NRG3: variants seen among roughly 807,000 people sequenced by gnomAD.
The protein encoded by NRG3 is neuregulin 3.
NRG3 carries 31 observed loss-of-function variants against 66.9 expected under a neutral mutation model. The ratio of observed to expected loss-of-function variants is 0.46; its 90% CI spans 0.35 to 0.63. NRG3 has a LOEUF of 0.63. Ranked by LOEUF, NRG3 falls within the 20% of genes least tolerant of loss-of-function variation. The pLI is 0.00. For synonymous variants in NRG3, 393 were observed against 359.4 expected (o/e 1.09, Z -1.06); for missense variants, 910 against 878.9 (o/e 1.04, Z -0.45).
chr10:82,835,285 C>A (rs955337262), intron 3 of NRG3, among the ~76,000 whole-genome samples: 22 of 152,128 alleles, frequency 1.4e-4, no homozygotes, highest in Non-Finnish European at 2.9e-4. Flanking sequence ...CAGCTGGAGA[C>A]AGGAAATTTC....
At chr10:82,000,989 C>T (rs2061141997) in intron 1 of NRG3, among the ~76,000 whole-genome samples, 1 of 151,960 alleles carries the variant, frequency 6.6e-6, no homozygotes, top group African/African-American at 2.4e-5. Context: ...TATGGAAATT[C>T]CAAACTAAAA....
intron 2 of NRG3, among the ~76,000 whole-genome samples, chr10:82,649,114 T>A (rs2051200159): frequency 6.6e-6 from 1 of 152,158 alleles, no homozygotes; most frequent in Non-Finnish European, 1.5e-5. Context: ...GTGTTGGAAG[T>A]TCTGGCCAGG....
chr10:82,820,553 A>G (rs2061906871), intron 3 of NRG3, among the ~76,000 whole-genome samples: 1 of 152,208 alleles, frequency 6.6e-6, no homozygotes, highest in South Asian at 2.1e-4. Flanking sequence ...ACAGCTAGAT[A>G]AGCAGATAAA....
intron 1 of NRG3, among the ~76,000 whole-genome samples, chr10:82,000,141 C>A (rs972630283): frequency 3.3e-5 from 5 of 152,142 alleles, no homozygotes; most frequent in African/African-American, 9.7e-5. Flanking sequence ...ACAAATTATT[C>A]ATAATTACCC....
chr10:82,143,252 G>A (rs1177230096), intron 1 of NRG3, among the ~76,000 whole-genome samples: 4 of 152,140 alleles, frequency 2.6e-5, no homozygotes, highest in African/African-American at 4.8e-5. Flanking sequence ...TCAGGAGGCA[G>A]GGGGCGGAGA....
intron 2 of NRG3, among the ~76,000 whole-genome samples, chr10:82,399,205 AC>A (rs1312819349): frequency 1.3e-5 from 2 of 152,170 alleles, no homozygotes; most frequent in Non-Finnish European, 2.9e-5. Context: ...AACATAAAAG[AC>A]CAAAATGACT....
intron 2 of NRG3, among the ~76,000 whole-genome samples, chr10:82,441,716 G>A (rs1287206173): frequency 1.3e-5 from 2 of 152,100 alleles, no homozygotes; most frequent in Non-Finnish European, 1.5e-5. Flanking sequence ...ATTAATAACA[G>A]ATGAAAATAA....
At position 82,147,665 on chromosome 10, in the gene NRG3, G is replaced by A. The variant is rs145594920; in HGVS notation, c.824-211074G>A. ...GCCTCAGTGTGTCCCTTTGTAAAGC[G>A]CCCCAGACCTTTTGAGTAGGGATGA... On this transcript the variant is annotated intron_variant, in intron 1 of 8. Coordinates refer to ENST00000372141, the MANE Select transcript of NRG3 (RefSeq NM_001010848.4). Among the ~76,000 whole-genome samples, 27 of 152,258 alleles carry A rather than the reference G, an allele frequency of 1.8e-4. 1 individual carries two copies. The East Asian group carries it at 5.2e-3, about 29-fold the overall frequency.
Position 82,789,300 on chromosome 10 carries a change from A to C in NRG3, c.1027+50650A>C, listed in dbSNP as rs569032845. The stretch of plus-strand genomic sequence containing the variant: ...ACCATTTTAAAATCTTCTATGGAGC[A>C]ATAGCTATTCAAATAATGTGTCCAT... On this transcript the variant is annotated intron_variant, in intron 3 of 8. Transcript: ENST00000372141. Among the ~76,000 whole-genome samples the C allele has an allele frequency of 2.6e-4, 39 of 152,238 alleles. No homozygotes were observed. In the South Asian group the frequency reaches 8.1e-3, roughly 32 times the overall value.
At chr10:82,354,266 C>T (rs1335148709) in intron 1 of NRG3, among the ~76,000 whole-genome samples, 1 of 151,812 alleles carries the variant, frequency 6.6e-6, no homozygotes, top group African/African-American at 2.4e-5. Flanking sequence ...GTCACAGACT[C>T]CTGGGTTCAA....
At chr10:82,799,255 C>G (rs1051373258) in intron 3 of NRG3, among the ~76,000 whole-genome samples, 1 of 151,972 alleles carries the variant, frequency 6.6e-6, no homozygotes, top group Non-Finnish European at 1.5e-5. Flanking sequence ...AGGCTGGGTG[C>G]GGTGGCTCAC....
intron 1 of NRG3, among the ~76,000 whole-genome samples, chr10:82,213,617 A>G (rs1349981172): frequency 2.6e-5 from 4 of 152,212 alleles, no homozygotes; most frequent in African/African-American, 7.2e-5. Context: ...AGCACTTGCT[A>G]ATCTATAATA....
intron 6 of NRG3, among the ~76,000 whole-genome samples, chr10:82,967,576 T>A: frequency 6.6e-6 from 1 of 152,204 alleles, no homozygotes; most frequent in East Asian, 1.9e-4. Context: ...GCTGAACACT[T>A]GTGACCTTCA....
chr10:82,405,088 A>C lies in NRG3; in HGVS notation c.953+46220A>C, dbSNP rs531716571. On this transcript the variant is annotated intron_variant, in intron 2 of 8. Transcript: ENST00000372141. ...ACAAATGAAGGAGTGCTCCAAAGGA[A>C]ATTGGGATGGTGTGTGGTTGAGGAC... 3.9e-5 allele frequency among the ~76,000 whole-genome samples: 6 copies of C among 152,218 alleles called. No individual in the cohort carries two copies. In the East Asian group the frequency reaches 1.2e-3, roughly 29 times the overall value.
chr10:82,188,568 A>T (rs2073947464), intron 1 of NRG3, among the ~76,000 whole-genome samples: 1 of 152,192 alleles, frequency 6.6e-6, no homozygotes, highest in Non-Finnish European at 1.5e-5. Context: ...AGGAATCGAT[A>T]ACCAGAATAT....
chr10:82,546,951 A>G (rs1309988005), intron 2 of NRG3, among the ~76,000 whole-genome samples: 2 of 152,146 alleles, frequency 1.3e-5, no homozygotes, highest in African/African-American at 2.4e-5. Flanking sequence ...ACAAAGAAGA[A>G]AGGGAGGAAG....
At chr10:82,617,722 T>C (rs989985932) in intron 2 of NRG3, among the ~76,000 whole-genome samples, 1 of 152,028 alleles carries the variant, frequency 6.6e-6, no homozygotes, top group Admixed American at 6.6e-5. Context: ...GTCTCTTAAG[T>C]GTGGGGCCGT....
intron 2 of NRG3, among the ~76,000 whole-genome samples, chr10:82,423,625 T>G (rs776693014): frequency 1.3e-4 from 19 of 151,972 alleles, no homozygotes; most frequent in Non-Finnish European, 2.5e-4. Context: ...ATGGTGACAC[T>G]TTTAAGTCTA....
chr10:82,922,438 G>T (rs973830999), intron 4 of NRG3, among the ~76,000 whole-genome samples: 1 of 152,132 alleles, frequency 6.6e-6, no homozygotes. Context: ...ACCTATGTCT[G>T]TCTTTCAGGA....
Sources: gnomAD v4.1 joint callset for allele counts (sites outside exome capture counted in the v4.1 genomes callset) on GRCh38, gnomAD v4.1.1 for gene constraint, MANE v1.5 for transcripts, NCBI Gene and HGNC (gene_info 2026-07-23, HGNC 2026-07-21) for gene names.